Variants in MON1B observed in about 807,000 individuals in gnomAD.
The protein encoded by MON1B is vacuolar fusion protein MON1 homolog B.
Under a neutral mutation model 45.1 loss-of-function variants are expected in MON1B, and 26 were observed. The ratio of observed to expected loss-of-function variants is 0.58; its 90% CI spans 0.42 to 0.80. The LOEUF (loss-of-function observed/expected upper bound fraction) is 0.80. MON1B is among the 30% of genes least tolerant of loss of function. The pLI, the probability that MON1B is intolerant of heterozygous loss-of-function variation, is 0.00. For missense variants in MON1B, 737 were observed against 754.5 expected, an observed-to-expected ratio of 0.98 and a Z score of 0.27; for synonymous variants, 395 against 320.2, an observed-to-expected ratio of 1.23 and a Z score of -2.49.
At position 77,193,394 on chromosome 16, in the gene MON1B, G is replaced by C. The variant is rs779027212; in HGVS notation, c.149-57G>C. 2.0e-6 allele frequency: 3 copies of C among 1,474,584 alleles called. No individual in the cohort carries two copies. The highest frequency in any genetic ancestry group is 1.4e-5 in the African/African-American group (1 of 70,684). The allele number at this position is 1,474,584 out of a possible 1,614,324, so 91.3% of individuals were successfully genotyped here. On this transcript the variant is annotated intron_variant, in intron 2 of 5. Coordinates refer to ENST00000248248, the MANE Select transcript of MON1B (RefSeq NM_014940.4). The surrounding 1 kb of genome is among the most constrained non-coding windows in gnomAD (Gnocchi z 5.0). ...AGTAGATATTTGGTGGGTCCTTGGGGATGTGGGATTAGTTAGGAGTTCACA... is the reference window on the plus strand; with the variant it reads ...AGTAGATATTTGGTGGGTCCTTGGGCATGTGGGATTAGTTAGGAGTTCACA...
rs1377073760 is a variant in MON1B at position 77,199,194 on chromosome 16, G to GCA, written c.*890_*891dup. On this transcript the variant is annotated 3_prime_UTR_variant, in exon 6 of 6. Transcript: ENST00000248248. ...GACCTCCCTAGGGTTTTGTGTGTGTGCACACTACCCTCACTCCCCAACTGG... is the reference window on the plus strand; with the variant it reads ...GACCTCCCTAGGGTTTTGTGTGTGTGCACACACTACCCTCACTCCCCAACTGG... 6.2e-6 allele frequency: 3 copies of GCA among 483,936 alleles called. No homozygotes were observed. Among genetic ancestry groups the GCA allele is most frequent in the African/African-American group, 6.0e-5 (3 of 50,290 alleles). 30.0% of individuals were successfully genotyped at this position (483,936 alleles called of 1,614,324 possible). A position where few individuals can be genotyped will look rare whatever the true frequency, so the allele number is the denominator to read the frequency against.
In MON1B at chr16:77,200,280, A is replaced by ATATATATATATATATATATATGTG. The variant is rs2054722634; in HGVS notation, c.*1984_*1985insTATATATATGTGTATATATATATA. 1 of 110,634 alleles carries ATATATATATATATATATATATGTG rather than the reference A, an allele frequency of 9.0e-6. No homozygotes were observed. Among genetic ancestry groups the ATATATATATATATATATATATGTG allele is most frequent in the African/African-American group, 3.1e-5 (1 of 32,456 alleles). The allele number at this position is 110,634 out of a possible 1,614,324, so 6.9% of individuals were successfully genotyped here. On this transcript the variant is annotated 3_prime_UTR_variant, in exon 6 of 6. Transcript: ENST00000248248. Reference sequence around the variant, plus strand: ...TGTATATATATATATATGTGTATATATATATATATATACACACACTAATCA... The same window carrying ATATATATATATATATATATATGTG: ...TGTATATATATATATATGTGTATATATATATATATATATATATATATGTGTATATATATATACACACACTAATCA...
At position 77,200,297 on chromosome 16, in the gene MON1B, C is replaced by CAA. The variant is rs2054724819; in HGVS notation, c.*1990_*1991insAA. 1 of 64,242 alleles carries CAA rather than the reference C, an allele frequency of 1.6e-5. No homozygotes were observed. Among genetic ancestry groups the CAA allele is most frequent in the Non-Finnish European group, 3.6e-5 (1 of 27,772 alleles). The allele number at this position is 64,242 out of a possible 1,614,324, so 4.0% of individuals were successfully genotyped here. A position where few individuals can be genotyped will look rare whatever the true frequency, so the allele number is the denominator to read the frequency against. ...GTGTATATATATATATATATACACA[C>CAA]ACTAATCAGCCGGGCGCGGTGGTGT... On this transcript the variant is annotated 3_prime_UTR_variant, in exon 6 of 6. Transcript: ENST00000248248.
Position 77,198,345 on chromosome 16 carries a change from A to G in MON1B, c.*37A>G. On this transcript the variant is annotated 3_prime_UTR_variant, in exon 6 of 6. Transcript: ENST00000248248. ...CCCAGACCAGGCAGTGCTGGGAGCA[A>G]CCACCTTTGTTTTTTACCTTCTGTC... is the stretch of plus-strand genomic sequence containing the variant. 6.3e-7 allele frequency: 1 copy of G among 1,589,328 alleles called. No individual in the cohort carries two copies. Among genetic ancestry groups the G allele is most frequent in the South Asian group, 1.1e-5 (1 of 90,564 alleles).
chr16:77,201,187 T>C lies in MON1B; in HGVS notation c.*2879T>C, dbSNP rs1247377353. ...TTAATGTGTGACCAATGAAATAACTTCAAGAGCAGAGAGCTCTTTTAGATT... is the reference window on the plus strand; with the variant it reads ...TTAATGTGTGACCAATGAAATAACTCCAAGAGCAGAGAGCTCTTTTAGATT... On this transcript the variant is annotated 3_prime_UTR_variant, in exon 6 of 6. Coordinates refer to ENST00000248248, the MANE Select transcript of MON1B (RefSeq NM_014940.4). The C allele has an allele frequency of 1.3e-5, 2 of 152,168 alleles. No homozygotes were observed. The highest frequency in any genetic ancestry group is 4.8e-5 in the African/African-American group (2 of 41,440). 9.4% of individuals were successfully genotyped at this position (152,168 alleles called of 1,614,324 possible).
chr16:77,194,230 G>C lies in MON1B; in HGVS notation c.476-105G>C, dbSNP rs745366084. 3 of 1,030,040 alleles carry C rather than the reference G, an allele frequency of 2.9e-6. No individual in the cohort carries two copies. Among genetic ancestry groups the C allele is most frequent in the Non-Finnish European group, 3.0e-6 (2 of 663,554 alleles). The allele number at this position is 1,030,040 out of a possible 1,614,324, so 63.8% of individuals were successfully genotyped here. A position where few individuals can be genotyped will look rare whatever the true frequency, so the allele number is the denominator to read the frequency against. Reference sequence around the variant, plus strand: ...GCCCACAGAGTGAGCATGTGGACTCGGGCCTGGTGTGTGTATGGTAGGAGA... The same window carrying C: ...GCCCACAGAGTGAGCATGTGGACTCCGGCCTGGTGTGTGTATGGTAGGAGA... On this transcript the variant is annotated intron_variant, in intron 3 of 5. Coordinates refer to ENST00000248248, the MANE Select transcript of MON1B (RefSeq NM_014940.4). This position sits in a 1 kb window ranked among gnomAD's most constrained non-coding sequence, Gnocchi z 8.1.
Position 77,201,395 on chromosome 16 carries a change from T to C in MON1B, c.*3087T>C, listed in dbSNP as rs751417565. On this transcript the variant is annotated 3_prime_UTR_variant, in exon 6 of 6. Coordinates refer to ENST00000248248, the MANE Select transcript of MON1B (RefSeq NM_014940.4). ...ACTAACTTCACCAGCAAAGGAAAAA[T>C]TGAAGGATGTATCAAGTTGCCATTT... is the stretch of plus-strand genomic sequence containing the variant. The C allele has an allele frequency of 1.3e-5, 2 of 152,058 alleles. No individual in the cohort carries two copies. Among genetic ancestry groups the C allele is most frequent in the Non-Finnish European group, 2.9e-5 (2 of 68,014 alleles). The allele number at this position is 152,058 out of a possible 1,614,324, so 9.4% of individuals were successfully genotyped here.
intron 5 of MON1B, among the ~76,000 whole-genome samples, chr16:77,197,267 T>A (rs1307500158): frequency 6.6e-6 from 1 of 151,916 alleles, no homozygotes; most frequent in Non-Finnish European, 1.5e-5. Flanking sequence ...TGTGGTGGCA[T>A]GCGCTTGTAT....
Position 77,200,291 on chromosome 16 carries a change from T to TATATATACAC in MON1B, c.*1984_*1985insTATATACACA. The TATATATACAC allele has an allele frequency of 9.9e-5, 11 of 111,416 alleles. No homozygotes were observed. The highest frequency in any genetic ancestry group is 4.4e-4 in the East Asian group (2 of 4,574). The allele number at this position is 111,416 out of a possible 1,614,324, so 6.9% of individuals were successfully genotyped here. A position where few individuals can be genotyped will look rare whatever the true frequency, so the allele number is the denominator to read the frequency against. ...ATATATGTGTATATATATATATATATACACACACTAATCAGCCGGGCGCGG... is the reference window on the plus strand; with the variant it reads ...ATATATGTGTATATATATATATATATATATATACACACACACACTAATCAGCCGGGCGCGG... On this transcript the variant is annotated 3_prime_UTR_variant, in exon 6 of 6. Transcript: ENST00000248248.
Position 77,194,345 on chromosome 16 carries a change from G to C in MON1B, c.486G>C (p.Lys162Asn), listed in dbSNP as rs1461554312. 1 of 1,605,554 alleles carries C rather than the reference G, an allele frequency of 6.2e-7. No homozygotes were observed. Among genetic ancestry groups the C allele is most frequent in the Non-Finnish European group, 8.5e-7 (1 of 1,179,882 alleles). The change falls in exon 4 of 6, where the codon AAG (lysine) becomes AAC (asparagine). Residue 162 changes from lysine (K) to asparagine (N), a missense_variant. Transcript: ENST00000248248. The surrounding 1 kb of genome is among the most constrained non-coding windows in gnomAD (Gnocchi z 8.1). ...CCCTTCCTTCCCTAGAGGACCACAA[G>C]CTGGTGTTCCTACAACAGGGCCCAC... ...AIRAIYAEDH[K>N]LVFLQQGPLL...
rs1244161471 is a variant in MON1B at position 77,200,309 on chromosome 16, G to A, written c.*2001G>A. ...ATATATATACACACACTAATCAGCC[G>A]GGCGCGGTGGTGTGGGCCTGTAATC... On this transcript the variant is annotated 3_prime_UTR_variant, in exon 6 of 6. Transcript: ENST00000248248. 1 of 84,170 alleles carries A rather than the reference G, an allele frequency of 1.2e-5. No homozygotes were observed. The highest frequency in any genetic ancestry group is 2.7e-5 in the Non-Finnish European group (1 of 37,424). 5.2% of individuals were successfully genotyped at this position (84,170 alleles called of 1,614,324 possible).
Position 77,191,463 on chromosome 16 carries a change from C to A in MON1B, c.-10-13C>A. The A allele has an allele frequency of 1.1e-5, 17 of 1,586,722 alleles. No individual in the cohort carries two copies. The highest frequency in any genetic ancestry group is 1.5e-5 in the Non-Finnish European group (17 of 1,168,762). ...TTTCACCGCCCGTCACCCTCGATTC[C>A]CCTCCCACTCAGGGATGTGCAGATG... On this transcript the variant is annotated splice_polypyrimidine_tract_variant and intron_variant, in intron 1 of 5. Transcript: ENST00000248248.
At position 77,194,599 on chromosome 16, in the gene MON1B, C is replaced by A. The variant is rs1278599576; in HGVS notation, c.740C>A (p.Ala247Asp). The change falls in exon 4 of 6, where the codon GCC becomes GAC. Residue 247 changes from alanine (A) to aspartate (D), a missense_variant. Coordinates refer to ENST00000248248, the MANE Select transcript of MON1B (RefSeq NM_014940.4). This position sits in a 1 kb window ranked among gnomAD's most constrained non-coding sequence, Gnocchi z 8.1. ...GACCCAGGAGCCCTGCTCCTGGGTG[C>A]CGTGCGCTGTGTGCCCCTTGCCCGC... The part of the protein sequence containing the change: ...EQDPGALLLG[A>D]VRCVPLARPL... The A allele has an allele frequency of 6.2e-7, 1 of 1,613,826 alleles. No individual in the cohort carries two copies. Among genetic ancestry groups the A allele is most frequent in the Non-Finnish European group, 8.5e-7 (1 of 1,179,918 alleles).
Position 77,199,669 on chromosome 16 carries a change from C to T in MON1B, c.*1361C>T, listed in dbSNP as rs537786854. ...GAAGAAAAACAATTTTTTAACCGTTCAGCACAGTGGAGATAAATTAACAGG... is the reference window on the plus strand; with the variant it reads ...GAAGAAAAACAATTTTTTAACCGTTTAGCACAGTGGAGATAAATTAACAGG... On this transcript the variant is annotated 3_prime_UTR_variant, in exon 6 of 6. Transcript: ENST00000248248. 120 of 635,470 alleles carry T rather than the reference C, an allele frequency of 1.9e-4. No individual in the cohort carries two copies. In the South Asian group the frequency reaches 2.5e-3, roughly 13 times the overall value. 39.4% of individuals were successfully genotyped at this position (635,470 alleles called of 1,614,324 possible). A position where few individuals can be genotyped will look rare whatever the true frequency, so the allele number is the denominator to read the frequency against.
chr16:77,196,671 A>G (rs8055551), intron 5 of MON1B, among the ~76,000 whole-genome samples: 81,394 of 152,022 alleles, frequency 0.54, 22,649 homozygotes, highest in Non-Finnish European at 0.61. Flanking sequence ...AGCTATTCAT[A>G]AGGCTGAGGC....
At chr16:77,196,015 C>T (rs150888659) in intron 5 of MON1B, among the ~76,000 whole-genome samples, 75 of 152,298 alleles carry the variant, frequency 4.9e-4, no homozygotes, top group African/African-American at 1.6e-3. Context: ...TGTTTGGAGG[C>T]ACCCCATTCA....
Position 77,193,428 on chromosome 16 carries a change from A to T in MON1B, c.149-23A>T. The stretch of plus-strand genomic sequence containing the variant: ...TTAGTTAGGAGTTCACATGCAGATG[A>T]CCCACCAGGGGCTCCCTTTCAGGAT... On this transcript the variant is annotated intron_variant, in intron 2 of 5. Coordinates refer to ENST00000248248, the MANE Select transcript of MON1B (RefSeq NM_014940.4). This position sits in a 1 kb window ranked among gnomAD's most constrained non-coding sequence, Gnocchi z 5.0. 6.5e-7 allele frequency: 1 copy of T among 1,529,868 alleles called. No homozygotes were observed. Among genetic ancestry groups the T allele is most frequent in the Non-Finnish European group, 8.8e-7 (1 of 1,138,598 alleles). 94.8% of individuals were successfully genotyped at this position (1,529,868 alleles called of 1,614,324 possible). A position where few individuals can be genotyped will look rare whatever the true frequency, so the allele number is the denominator to read the frequency against.
chr16:77,193,339 GC>G lies in MON1B; in HGVS notation c.149-111del. ...GGGCATAGGAGACACTTGGAGTTCT[GC>G]GTCAGCATGCAGGGGTCATGGAGGG... is the stretch of plus-strand genomic sequence containing the variant. On this transcript the variant is annotated intron_variant, in intron 2 of 5. Coordinates refer to ENST00000248248, the MANE Select transcript of MON1B (RefSeq NM_014940.4). This position sits in a 1 kb window ranked among gnomAD's most constrained non-coding sequence, Gnocchi z 5.0. The G allele has an allele frequency of 9.5e-7, 1 of 1,047,792 alleles. No individual in the cohort carries two copies. The allele number at this position is 1,047,792 out of a possible 1,614,324, so 64.9% of individuals were successfully genotyped here.
intron 2 of MON1B, among the ~76,000 whole-genome samples, 184 bp downstream of exon 2, chr16:77,191,817 T>C (rs551874004): frequency 6.8e-4 from 103 of 152,172 alleles, no homozygotes; most frequent in African/African-American, 2.3e-3. Context: ...GAGGAAGTCA[T>C]TGGCTGTCAA....
Sources: gnomAD v4.1 joint callset for allele counts (sites outside exome capture counted in the v4.1 genomes callset) on GRCh38, gnomAD v4.1.1 for gene constraint, Gnocchi (gnomAD v3.1) non-coding constraint, MANE v1.5 for transcripts, NCBI Gene and HGNC (gene_info 2026-07-23, HGNC 2026-07-21) for gene names.